The following SRD5A3 variants were observed in gnomAD, a reference collection of about 807,000 sequenced individuals.
SRD5A3 encodes the protein steroid 5 alpha-reductase 3, also known as polyprenal reductase.
In SRD5A3, 24 loss-of-function variants were observed where a neutral mutation model predicts 34.3. The observed-to-expected ratio is 0.70, with a 90% confidence interval of 0.51 to 0.99. SRD5A3 has a LOEUF of 0.99. SRD5A3 is among the 50% of genes least tolerant of loss of function. The probability of loss-of-function intolerance (pLI) is 0.00; values close to 1 mark genes in which losing one functional copy is unlikely to be tolerated. For synonymous variants in SRD5A3, 161 were observed against 167.3 expected (o/e 0.96, Z 0.29); for missense variants, 350 against 388.2 (o/e 0.90, Z 0.83).
intron 1 of SRD5A3, among the ~76,000 whole-genome samples, chr4:55,348,227 A>G (rs982025884): frequency 6.6e-6 from 1 of 152,172 alleles, no homozygotes; most frequent in African/African-American, 2.4e-5. Context: ...AACCTCCCAT[A>G]GTGTTCAAGT....
intron 1 of SRD5A3, among the ~76,000 whole-genome samples, chr4:55,356,274 GC>G (rs1461378177): frequency 1.4e-4 from 22 of 152,184 alleles, no homozygotes; most frequent in Non-Finnish European, 2.5e-4. Flanking sequence ...CTCCTAAAGT[GC>G]TGGGATTACA....
chr4:55,361,719 G>T (rs545108699), intron 2 of SRD5A3, among the ~76,000 whole-genome samples: 5 of 152,066 alleles, frequency 3.3e-5, no homozygotes, highest in Admixed American at 3.3e-4. Context: ...CAGGAGAATG[G>T]CTTGAACCCA....
Position 55,370,341 on chromosome 4 carries a change from A to G in SRD5A3, c.*250A>G, listed in dbSNP as rs1236926324. On this transcript the variant is annotated 3_prime_UTR_variant, in exon 5 of 5. Coordinates refer to ENST00000264228, the MANE Select transcript of SRD5A3 (RefSeq NM_024592.5). ...GGGTCCACTTTCTGAGATGCTTTCT[A>G]AAACCAACCAACTGATAAAAAGTAG... The G allele has an allele frequency of 4.8e-5, 26 of 541,342 alleles. No individual in the cohort carries two copies. The highest frequency in any genetic ancestry group is 7.8e-5 in the Non-Finnish European group (24 of 305,792). The allele number at this position is 541,342 out of a possible 1,614,324, so 33.5% of individuals were successfully genotyped here.
chr4:55,362,250 C>T (rs1230668937), intron 2 of SRD5A3, among the ~76,000 whole-genome samples: 4 of 151,694 alleles, frequency 2.6e-5, no homozygotes, highest in Non-Finnish European at 5.9e-5. Flanking sequence ...GCCTCAGCCT[C>T]CTGAGTAGCT....
intron 3 of SRD5A3, among the ~76,000 whole-genome samples, chr4:55,366,366 A>G (rs1719897309): frequency 2.6e-5 from 4 of 152,098 alleles, no homozygotes; most frequent in African/African-American, 9.7e-5. Context: ...TTTTGTAGAG[A>G]CAGGTTCTCG....
chr4:55,357,178 A>T, intron 1 of SRD5A3, among the ~76,000 whole-genome samples: 1 of 152,150 alleles, frequency 6.6e-6, no homozygotes, highest in Non-Finnish European at 1.5e-5. Context: ...ATTATGCTAG[A>T]TGTCTGCAGG....
intron 2 of SRD5A3, among the ~76,000 whole-genome samples, chr4:55,359,935 G>C (rs1199466242): frequency 6.6e-6 from 1 of 152,154 alleles, no homozygotes; most frequent in Non-Finnish European, 1.5e-5. Flanking sequence ...TTTTTCTGTC[G>C]GGTGCGGTGG....
chr4:55,350,722 T>A (rs1409202956), intron 1 of SRD5A3, among the ~76,000 whole-genome samples: 1 of 152,132 alleles, frequency 6.6e-6, no homozygotes, highest in East Asian at 1.9e-4. Context: ...AAACATATTC[T>A]TCCTGTCTGA....
chr4:55,348,351 C>T (rs148932199), intron 1 of SRD5A3, among the ~76,000 whole-genome samples: 1 of 152,250 alleles, frequency 6.6e-6, no homozygotes, highest in African/African-American at 2.4e-5. Context: ...AAAAAGATAA[C>T]TTGCATCAAA....
chr4:55,352,239 A>G, intron 1 of SRD5A3: 1 of 925,878 alleles, frequency 1.1e-6, no homozygotes, highest in Non-Finnish European at 1.8e-6. Context: ...ATTATATTGG[A>G]AAAATAAGCA....
intron 1 of SRD5A3, among the ~76,000 whole-genome samples, chr4:55,354,163 G>A (rs945019862): frequency 3.9e-5 from 6 of 152,124 alleles, no homozygotes; most frequent in Non-Finnish European, 5.9e-5. Context: ...GTGGCGCAAT[G>A]TGGGCTCACT....
At chr4:55,361,311 G>T (rs924340587) in intron 2 of SRD5A3, among the ~76,000 whole-genome samples, 1 of 151,090 alleles carries the variant, frequency 6.6e-6, no homozygotes, top group African/African-American at 2.4e-5. Context: ...GTGAAATCCC[G>T]TTTTTACTAA....
intron 2 of SRD5A3, among the ~76,000 whole-genome samples, chr4:55,359,822 A>G (rs1719608942): frequency 6.6e-6 from 1 of 152,204 alleles, no homozygotes; most frequent in South Asian, 2.1e-4. Flanking sequence ...CAAAAGGGGG[A>G]AAGCTTTTAG....
At chr4:55,365,683 A>T (rs2109482357) in intron 3 of SRD5A3, 1 of 152,348 alleles carries the variant, frequency 6.6e-6, no homozygotes, top group Middle Eastern at 3.4e-3. Flanking sequence ...GTCAAGGAAG[A>T]GGAGCCCACA....
In SRD5A3 at chr4:55,370,405, G is replaced by A. The variant is rs1365506134; in HGVS notation, c.*314G>A. On this transcript the variant is annotated 3_prime_UTR_variant, in exon 5 of 5. Transcript: ENST00000264228. ...AAGCTGCTTCACAAGCAAACTAACC[G>A]AAAAACCGAAAATATACAAACAGCT... is the stretch of plus-strand genomic sequence containing the variant. 1.5e-4 allele frequency: 28 copies of A among 185,824 alleles called. No homozygotes were observed. The highest frequency in any genetic ancestry group is 2.5e-4 in the Non-Finnish European group (24 of 97,770). 11.5% of individuals were successfully genotyped at this position (185,824 alleles called of 1,614,324 possible). A position where few individuals can be genotyped will look rare whatever the true frequency, so the allele number is the denominator to read the frequency against.
chr4:55,352,539 A>C, intron 1 of SRD5A3: 2 of 480,814 alleles, frequency 4.2e-6, no homozygotes, highest in African/African-American at 2.0e-5. Context: ...TCATGAGTTT[A>C]TATTTGTCTT....
chr4:55,353,198 TGGGTGGAGTG>T (rs1719263689), intron 1 of SRD5A3, among the ~76,000 whole-genome samples: 1 of 152,172 alleles, frequency 6.6e-6, no homozygotes, highest in South Asian at 2.1e-4. Flanking sequence ...CTGGACTTCC[TGGGTGGAGTG>T]GGGACTTAGG....
intron 1 of SRD5A3, among the ~76,000 whole-genome samples, chr4:55,353,687 C>A (rs1425520515): frequency 6.6e-6 from 1 of 152,100 alleles, no homozygotes; most frequent in Non-Finnish European, 1.5e-5. Flanking sequence ...AGACCACGAA[C>A]CCACCTGGAG....
rs565935886 is a variant in SRD5A3 at position 55,370,080 on chromosome 4, TTTTTG to T, written c.951_955del (p.Phe318SerfsTer2). The T allele has an allele frequency of 7.3e-4, 1,177 of 1,613,510 alleles. No individual in the cohort carries two copies. The highest frequency in any genetic ancestry group is 9.0e-4 in the Non-Finnish European group (1,058 of 1,180,012). ...GAAGCATAGGAAAGCTTTCCTACCA[TTTTTG>T]TTTTAAGTTAACCTCAGTCATGAAG... On this transcript the variant is annotated frameshift_variant, in exon 5 of 5. Transcript: ENST00000264228. LOFTEE classifies it high-confidence loss of function.
Sources: allele counts gnomAD v4.1 joint callset (sites outside exome capture counted in the v4.1 genomes callset), GRCh38; gene constraint gnomAD v4.1.1; transcripts MANE v1.5; gene names NCBI Gene and HGNC (gene_info 2026-07-23, HGNC 2026-07-21).